EPHA10: variants seen among roughly 807,000 people sequenced by gnomAD.
EPHA10 encodes the protein EPH receptor A10.
A neutral mutation model predicts 109.7 loss-of-function variants in EPHA10; 120 were observed. The observed-to-expected ratio is 1.09, with a 90% CI of 0.94 to 1.27. EPHA10 has a LOEUF of 1.27. Ranked by LOEUF, EPHA10 falls within the 50% of genes most tolerant of loss-of-function variation. The pLI is 0.00. For missense variants in EPHA10, 1,396 were observed against 1,411.1 expected (o/e 0.99, Z 0.17); for synonymous variants, 640 against 618.9 (o/e 1.03, Z -0.51).
chr1:37,751,943 C>T (rs890866467), intron 5 of EPHA10, among the ~76,000 whole-genome samples: 2 of 151,976 alleles, frequency 1.3e-5, no homozygotes, highest in African/African-American at 4.8e-5. Context: ...CGTGTGCATA[C>T]GTGTACATGT....
Position 37,731,306 on chromosome 1 carries a change from C to A in EPHA10, c.1663+105G>T, listed in dbSNP as rs568626377. 52 of 1,281,802 alleles carry A rather than the reference C, an allele frequency of 4.1e-5. No homozygotes were observed. In the African/African-American group the frequency reaches 7.6e-4, roughly 19 times the overall value. 79.4% of individuals were successfully genotyped at this position (1,281,802 alleles called of 1,614,324 possible). A position where few individuals can be genotyped will look rare whatever the true frequency, so the allele number is the denominator to read the frequency against. On this transcript the variant is annotated intron_variant, in intron 7 of 16. Transcript: ENST00000373048. ...ACTGTTCTGCAGGCTCCCTTCATTG[C>A]ACAGATAACTCCAGATAACTCTCCC...
At chr1:37,761,167 A>G in intron 3 of EPHA10, 5 of 1,429,094 alleles carry the variant, frequency 3.5e-6, no homozygotes, top group Non-Finnish European at 4.5e-6. Context: ...GGTGCCTAAG[A>G]TATAGATCCC....
chr1:37,759,393 G>A (rs1190581864), intron 3 of EPHA10, among the ~76,000 whole-genome samples: 1 of 152,002 alleles, frequency 6.6e-6, no homozygotes, highest in Non-Finnish European at 1.5e-5. Flanking sequence ...CAATTCCTAA[G>A]CTTAGAATGC....
rs538191167 is a variant in EPHA10, at chr1:37,725,742, T to A, written c.1772+1360A>T. 1.2e-3 allele frequency among the ~76,000 whole-genome samples: 178 copies of A among 151,884 alleles called. 1 individual carries two copies. Among genetic ancestry groups the A allele is most frequent in the Middle Eastern group, 6.8e-3 (2 of 294 alleles). ...GATGAAGGGGGGAAGGCTGAGTGGA[T>A]GGAGGAGCGAAAGAGGGTGCGTGGT... On this transcript the variant is annotated intron_variant, in intron 8 of 16. Coordinates refer to ENST00000373048, the MANE Select transcript of EPHA10 (RefSeq NM_001099439.2).
At chr1:37,728,135 G>A (rs552078836) in intron 7 of EPHA10, among the ~76,000 whole-genome samples, 1 of 152,322 alleles carries the variant, frequency 6.6e-6, no homozygotes, top group South Asian at 2.1e-4. Flanking sequence ...AAGGATTTTT[G>A]ATGGTGCTTT....
At chr1:37,725,678 TC>T (rs1015758242) in intron 8 of EPHA10, among the ~76,000 whole-genome samples, 5 of 151,982 alleles carry the variant, frequency 3.3e-5, no homozygotes, top group African/African-American at 1.2e-4. Flanking sequence ...TGACAGGACT[TC>T]CACGAATGAG....
intron 8 of EPHA10, among the ~76,000 whole-genome samples, chr1:37,724,937 G>A (rs2148318184): frequency 6.6e-6 from 1 of 152,318 alleles, no homozygotes; most frequent in East Asian, 1.9e-4. Context: ...ACTGTTATGG[G>A]GGGCAGAGGG....
At chr1:37,745,195 T>A (rs1646211998) in intron 5 of EPHA10, among the ~76,000 whole-genome samples, 1 of 152,170 alleles carries the variant, frequency 6.6e-6, no homozygotes, top group Non-Finnish European at 1.5e-5. Context: ...CCCTGGGAAA[T>A]GAACACAAGG....
At chr1:37,752,810 G>T (rs1445799530) in intron 5 of EPHA10, 66 bp downstream of exon 5, 6 of 1,128,264 alleles carry the variant, frequency 5.3e-6, no homozygotes, top group Non-Finnish European at 6.7e-6. Context: ...CCGACGGGGC[G>T]GCCCCAAGAG....
intron 6 of EPHA10, among the ~76,000 whole-genome samples, chr1:37,732,709 G>A (rs527393624): frequency 1.3e-5 from 2 of 152,204 alleles, no homozygotes; most frequent in Non-Finnish European, 2.9e-5. Context: ...GGGCTGGACT[G>A]GTGTGCAGAG....
At chr1:37,722,216 T>C (rs114572315) in intron 10 of EPHA10, 17,771 of 233,914 alleles carry the variant, frequency 0.076, 926 homozygotes, top group South Asian at 0.13. Flanking sequence ...TCGAATTCCA[T>C]CTCTTTCCTT....
intron 3 of EPHA10, among the ~76,000 whole-genome samples, chr1:37,758,755 C>T (rs191185020): frequency 6.6e-6 from 1 of 152,284 alleles, no homozygotes; most frequent in Admixed American, 6.5e-5. Context: ...TCTGTCCCAA[C>T]CACACCCACA....
intron 10 of EPHA10, 97 bp from the exon 11 acceptor site, chr1:37,721,942 C>G (rs2148311566): frequency 8.0e-7 from 1 of 1,243,526 alleles, no homozygotes; most frequent in Non-Finnish European, 1.1e-6. Context: ...ACCAGCCTGG[C>G]CAACATGGCG....
intron 5 of EPHA10, among the ~76,000 whole-genome samples, chr1:37,738,925 C>T (rs897368953): frequency 1.3e-5 from 2 of 152,286 alleles, no homozygotes; most frequent in South Asian, 2.1e-4. Flanking sequence ...ACCGCATGTT[C>T]TCACTCATAG....
Position 37,724,510 on chromosome 1 carries a change from G to C in EPHA10, c.1773-1138C>G, listed in dbSNP as rs530585734. ...AACCCCAACATCTAGGCTAGCGGAA[G>C]GAAGCACCAAGGACAGTACAAAAGA... On this transcript the variant is annotated intron_variant, in intron 8 of 16. Transcript: ENST00000373048. Among the ~76,000 whole-genome samples, 28 of 152,208 alleles carry C rather than the reference G, an allele frequency of 1.8e-4. No individual in the cohort carries two copies. In the South Asian group the frequency reaches 5.6e-3, roughly 30 times the overall value.
chr1:37,727,049 G>T, intron 8 of EPHA10, 53 bp downstream of exon 8: 1 of 1,427,760 alleles, frequency 7.0e-7, no homozygotes, highest in Non-Finnish European at 9.6e-7. Flanking sequence ...ACACATTAAT[G>T]TGCACGGGAC....
rs1026789205 is a variant in EPHA10, at chr1:37,718,050, C to T, written c.*322G>A. On this transcript the variant is annotated 3_prime_UTR_variant, in exon 17 of 17. Transcript: ENST00000373048. ...GCAGTAGGGCATGAGCCAGGGCAAT[C>T]TCAACCCACTGTCTTCCCTCCCATC... 6 of 392,386 alleles carry T rather than the reference C, an allele frequency of 1.5e-5. No individual in the cohort carries two copies. The highest frequency in any genetic ancestry group is 1.2e-4 in the African/African-American group (6 of 49,080). 24.3% of individuals were successfully genotyped at this position (392,386 alleles called of 1,614,324 possible). A position where few individuals can be genotyped will look rare whatever the true frequency, so the allele number is the denominator to read the frequency against.
In EPHA10 at chr1:37,754,374, C is replaced by A; in HGVS notation, c.851-4G>T. On this transcript the variant is annotated splice_region_variant and splice_polypyrimidine_tract_variant and intron_variant, in intron 3 of 16. Coordinates refer to ENST00000373048, the MANE Select transcript of EPHA10 (RefSeq NM_001099439.2). The surrounding 1 kb of genome is among the most constrained non-coding windows in gnomAD (Gnocchi z 4.5). Reference sequence around the variant, plus strand: ...TTGTAAAACCCTGGGGGACAGGCTGCAGGGCATGGCTGGTGAGAAGAGGGG... The same window carrying A: ...TTGTAAAACCCTGGGGGACAGGCTGAAGGGCATGGCTGGTGAGAAGAGGGG... The A allele has an allele frequency of 7.7e-7, 1 of 1,297,616 alleles. No individual in the cohort carries two copies. The highest frequency in any genetic ancestry group is 9.8e-7 in the Non-Finnish European group (1 of 1,017,246). 80.4% of individuals were successfully genotyped at this position (1,297,616 alleles called of 1,614,324 possible).
intron 7 of EPHA10, among the ~76,000 whole-genome samples, chr1:37,728,666 G>C (rs1645933656): frequency 6.6e-6 from 1 of 152,148 alleles, no homozygotes; most frequent in Admixed American, 6.6e-5. Context: ...GTGGGGCCAG[G>C]AGGAGCTAAA....
Sources: allele counts gnomAD v4.1 joint callset (sites outside exome capture counted in the v4.1 genomes callset), GRCh38; gene constraint gnomAD v4.1.1; non-coding constraint Gnocchi (gnomAD v3.1); transcripts MANE v1.5; gene names NCBI Gene and HGNC (gene_info 2026-07-23, HGNC 2026-07-21).